The following FHAD1 variants were observed in gnomAD, a reference collection of about 807,000 sequenced individuals.
FHAD1 encodes forkhead-associated domain-containing protein 1.
A neutral mutation model predicts 191.3 loss-of-function variants in FHAD1; 146 were observed. That is an observed-to-expected ratio of 0.76 (90% CI 0.67 to 0.88). The LOEUF (loss-of-function observed/expected upper bound fraction) is 0.88. Ranked by LOEUF, FHAD1 falls within the 40% of genes least tolerant of loss-of-function variation. FHAD1 has a pLI of 0.00. For synonymous variants in FHAD1, 616 were observed against 672.3 expected, an observed-to-expected ratio of 0.92 and a Z score of 1.29; for missense variants, 1,635 against 1,785.8, an observed-to-expected ratio of 0.92 and a Z score of 1.52.
intron 2 of FHAD1, among the ~76,000 whole-genome samples, chr1:15,266,151 C>G (rs752266262): frequency 1.3e-5 from 2 of 151,760 alleles, no homozygotes; most frequent in East Asian, 1.9e-4. Context: ...GCTCTGTTGC[C>G]CAGGCTGGAG....
intron 25 of FHAD1, among the ~76,000 whole-genome samples, chr1:15,369,046 A>G (rs1697355344): frequency 6.6e-6 from 1 of 152,176 alleles, no homozygotes; most frequent in Non-Finnish European, 1.5e-5. Context: ...CAGAGTACCT[A>G]ACTTGTGGGA....
intron 18 of FHAD1, 83 bp downstream of exon 18, chr1:15,345,606 G>A (rs906959983): frequency 3.6e-6 from 4 of 1,114,922 alleles, no homozygotes; most frequent in Non-Finnish European, 5.3e-6. Context: ...CGATGATGGG[G>A]GTGAGATCGT....
rs112338079 is a variant in FHAD1 at position 15,313,205 on chromosome 1, C to A, written c.1170+18C>A. The A allele has an allele frequency of 6.4e-7, 1 of 1,551,272 alleles. No individual in the cohort carries two copies. The highest frequency in any genetic ancestry group is 2.4e-5 in the East Asian group (1 of 40,898). ...GCTCTAGAGTGAGTAAGGATGACTGCGTCACCTTGTAGCCATCCGGTGAAA... is the reference window on the plus strand; with the variant it reads ...GCTCTAGAGTGAGTAAGGATGACTGAGTCACCTTGTAGCCATCCGGTGAAA... On this transcript the variant is annotated intron_variant, in intron 8 of 33. Coordinates refer to ENST00000688493, the MANE Select transcript of FHAD1 (RefSeq NM_001391957.1).
intron 18 of FHAD1, 178 bp downstream of exon 18, chr1:15,345,701 G>A (rs543505035): frequency 3.3e-6 from 2 of 611,730 alleles, no homozygotes; most frequent in South Asian, 2.0e-5. Context: ...GAACCCTGGA[G>A]TTGTAGCCTT....
chr1:15,271,951 A>G (rs1226356539), intron 2 of FHAD1, among the ~76,000 whole-genome samples: 1 of 152,184 alleles, frequency 6.6e-6, no homozygotes, highest in Non-Finnish European at 1.5e-5. Flanking sequence ...GTTTTGGTAA[A>G]ATAAAAAATA....
chr1:15,341,659 T>C (rs1686728698), intron 15 of FHAD1, 77 bp from the exon 16 acceptor site: 8 of 1,280,308 alleles, frequency 6.2e-6, no homozygotes, highest in Middle Eastern at 5.4e-4. Context: ...AGGTAAACAA[T>C]TGGTAAACAA....
rs1449816399 is a variant in FHAD1 at position 15,311,075 on chromosome 1, CAA to C, written c.1040-1981_1040-1980del. On this transcript the variant is annotated intron_variant, in intron 7 of 33. Transcript: ENST00000688493. The surrounding 1 kb of genome is among the most constrained non-coding windows in gnomAD (Gnocchi z 4.1). ...TGATCTGGGAGGGAGTGGAAACAAA[CAA>C]GATGAAATCTACGATTGCCCCCGGC... Among the ~76,000 whole-genome samples, 2 of 152,166 alleles carry C rather than the reference CAA, an allele frequency of 1.3e-5. No individual in the cohort carries two copies. Among genetic ancestry groups the C allele is most frequent in the Non-Finnish European group, 2.9e-5 (2 of 67,982 alleles).
intron 16 of FHAD1, among the ~76,000 whole-genome samples, 171 bp downstream of exon 16, chr1:15,342,059 T>A (rs1686930714): frequency 6.6e-6 from 1 of 152,204 alleles, no homozygotes; most frequent in South Asian, 2.1e-4. Context: ...AACATGAAGT[T>A]TGAATTCTAA....
At chr1:15,350,299 G>A (rs1378545265) in intron 19 of FHAD1, among the ~76,000 whole-genome samples, 2 of 152,226 alleles carry the variant, frequency 1.3e-5, no homozygotes, top group Non-Finnish European at 2.9e-5. Flanking sequence ...CGGCTCCAGG[G>A]CCACAAGACC....
At chr1:15,373,983 T>C (rs1698853441) in intron 26 of FHAD1, among the ~76,000 whole-genome samples, 1 of 152,210 alleles carries the variant, frequency 6.6e-6, no homozygotes, top group Admixed American at 6.5e-5. Context: ...AACATTCCCT[T>C]CACCACAGAA....
At chr1:15,361,873 C>T (rs1409438171) in intron 22 of FHAD1, among the ~76,000 whole-genome samples, 1 of 151,994 alleles carries the variant, frequency 6.6e-6, no homozygotes, top group African/African-American at 2.4e-5. Context: ...GGCCTGGTGG[C>T]GCGCGCCTGT....
intron 4 of FHAD1, among the ~76,000 whole-genome samples, chr1:15,292,516 G>A (rs1380792402): frequency 2.6e-5 from 4 of 152,152 alleles, no homozygotes; most frequent in African/African-American, 9.7e-5. Flanking sequence ...TGTGTTTTTA[G>A]TAGAGACGAG....
At chr1:15,380,897 T>C in intron 29 of FHAD1, 101 bp downstream of exon 29, 1 of 830,302 alleles carries the variant, frequency 1.2e-6, no homozygotes, top group Non-Finnish European at 1.9e-6. Context: ...CACATGCCTA[T>C]TTAGTTACTC....
chr1:15,244,050 T>C (rs1399642757), upstream of FHAD1, among the ~76,000 whole-genome samples: 2 of 131,352 alleles, frequency 1.5e-5, no homozygotes, highest in Non-Finnish European at 3.5e-5. This position sits in a 1 kb window ranked among gnomAD's most constrained non-coding sequence, Gnocchi z 5.1. Context: ...TAGAAACATC[T>C]ATTTTTTTTT....
rs1437980893 is a variant in FHAD1 at position 15,391,194 on chromosome 1, T to A, written c.4270-16T>A. ...AATCTAAGCTAGATTTTGTTCTTAT[T>A]CTTTCTGTATTGAAGAGACGAGTAT... On this transcript the variant is annotated splice_polypyrimidine_tract_variant and intron_variant, in intron 32 of 33. Transcript: ENST00000688493. 9.5e-6 allele frequency: 12 copies of A among 1,262,806 alleles called. No homozygotes were observed. Among genetic ancestry groups the A allele is most frequent in the Non-Finnish European group, 1.2e-5 (12 of 974,054 alleles). The allele number at this position is 1,262,806 out of a possible 1,614,324, so 78.2% of individuals were successfully genotyped here.
At position 15,382,010 on chromosome 1, in the gene FHAD1, T is replaced by C; in HGVS notation, c.4023-18T>C. 1.3e-6 allele frequency: 2 copies of C among 1,551,040 alleles called. No homozygotes were observed. Among genetic ancestry groups the C allele is most frequent in the Non-Finnish European group, 1.7e-6 (2 of 1,146,400 alleles). On this transcript the variant is annotated intron_variant, in intron 30 of 33. Transcript: ENST00000688493. ...AAAGATAAGGGAAAAACAGACGCCA[T>C]CTCTCCTGTGCACCCAGGCGGAGCA...
At chr1:15,292,021 A>G (rs1664939061) in intron 4 of FHAD1, among the ~76,000 whole-genome samples, 1 of 152,232 alleles carries the variant, frequency 6.6e-6, no homozygotes, top group Non-Finnish European at 1.5e-5. Context: ...TTGGTTACAT[A>G]GATAAGCTCT....
upstream of FHAD1, among the ~76,000 whole-genome samples, chr1:15,246,951 C>T (rs1445066898): frequency 6.6e-6 from 1 of 152,176 alleles, no homozygotes; most frequent in East Asian, 1.9e-4. Context: ...CGCCCCCGAC[C>T]CTCCCTCAAC....
At chr1:15,258,064 A>G (rs1039715923) in intron 2 of FHAD1, among the ~76,000 whole-genome samples, 2 of 151,812 alleles carry the variant, frequency 1.3e-5, no homozygotes, top group African/African-American at 2.4e-5. Flanking sequence ...CTGGTCTCGA[A>G]CTCCCTACCT....
Sources: allele counts gnomAD v4.1 joint callset (sites outside exome capture counted in the v4.1 genomes callset), GRCh38; gene constraint gnomAD v4.1.1; non-coding constraint Gnocchi (gnomAD v3.1); transcripts MANE v1.5; gene names NCBI Gene and HGNC (gene_info 2026-07-23, HGNC 2026-07-21).